The following PLPPR1 variants were observed in gnomAD, a reference collection of about 807,000 sequenced individuals.
PLPPR1 encodes the protein phospholipid phosphatase related 1.
Under a neutral mutation model 33.1 loss-of-function variants are expected in PLPPR1, and 10 were observed. The ratio of observed to expected loss-of-function variants is 0.30; its 90% confidence interval spans 0.19 to 0.51. The LOEUF (loss-of-function observed/expected upper bound fraction) is 0.51. Ranked by LOEUF, PLPPR1 falls within the 20% of genes least tolerant of loss-of-function variation. The pLI is 0.97. For missense variants in PLPPR1, 304 were observed against 408.1 expected, an observed-to-expected ratio of 0.74 and a Z score of 2.20; for synonymous variants, 151 against 151.0, an observed-to-expected ratio of 1.00 and a Z score of 0.00.
intron 2 of PLPPR1, among the ~76,000 whole-genome samples, chr9:101,248,119 C>T (rs1032572762): frequency 3.3e-5 from 5 of 151,984 alleles, no homozygotes; most frequent in Admixed American, 6.6e-5. Flanking sequence ...TGACTACTCA[C>T]CCTAGTTATG....
At chr9:101,044,296 A>T (rs1034789550) in intron 1 of PLPPR1, among the ~76,000 whole-genome samples, 1 of 152,176 alleles carries the variant, frequency 6.6e-6, no homozygotes, top group Non-Finnish European at 1.5e-5. Context: ...GCTGACTCCT[A>T]CTGCTTGATC....
intron 1 of PLPPR1, among the ~76,000 whole-genome samples, chr9:101,097,539 CTGAG>C (rs1830834650): frequency 6.6e-6 from 1 of 152,190 alleles, no homozygotes; most frequent in South Asian, 2.1e-4. Context: ...TGTGGAATAT[CTGAG>C]TGAGTGCTAG....
intron 1 of PLPPR1, among the ~76,000 whole-genome samples, chr9:101,047,439 C>G (rs770200224): frequency 6.6e-6 from 1 of 152,130 alleles, no homozygotes; most frequent in Non-Finnish European, 1.5e-5. Context: ...TATATCTGAG[C>G]GCTGTGTGAA....
At chr9:101,216,252 T>G (rs1250928423) in intron 2 of PLPPR1, among the ~76,000 whole-genome samples, 4 of 152,248 alleles carry the variant, frequency 2.6e-5, no homozygotes. Context: ...ATTGGAGTTT[T>G]AATTTGCATT....
intron 3 of PLPPR1, among the ~76,000 whole-genome samples, chr9:101,283,803 A>T (rs142889835): frequency 6.8e-4 from 104 of 152,302 alleles, no homozygotes; most frequent in Non-Finnish European, 1.2e-3. Context: ...CAATAGCAAG[A>T]TAATAACCCA....
At chr9:101,142,140 A>G (rs1014548654) in intron 1 of PLPPR1, among the ~76,000 whole-genome samples, 2 of 152,224 alleles carry the variant, frequency 1.3e-5, no homozygotes, top group African/African-American at 4.8e-5. Context: ...ATTAGACTTT[A>G]TCTTACATGT....
chr9:101,292,315 T>C lies in PLPPR1; in HGVS notation c.385+6079T>C, dbSNP rs939133798. On this transcript the variant is annotated intron_variant, in intron 4 of 7. Transcript: ENST00000374874. The stretch of plus-strand genomic sequence containing the variant: ...GTGAAAAGACCAAATCTACCTCTGA[T>C]TGGTGTACCTGAAAGTGATGGGGAG... Among the ~76,000 whole-genome samples the C allele has an allele frequency of 2.6e-5, 4 of 152,298 alleles. No individual in the cohort carries two copies. The East Asian group carries it at 5.8e-4, about 22-fold the overall frequency.
chr9:101,313,903 T>C (rs1351877106), intron 6 of PLPPR1, among the ~76,000 whole-genome samples: 1 of 152,186 alleles, frequency 6.6e-6, no homozygotes, highest in African/African-American at 2.4e-5. Flanking sequence ...TCATATTAAT[T>C]GAATCATAAT....
chr9:101,319,080 G>T (rs981804838), intron 7 of PLPPR1, among the ~76,000 whole-genome samples: 1 of 139,518 alleles, frequency 7.2e-6, no homozygotes, highest in Non-Finnish European at 1.6e-5. Context: ...GTTCCCTTTG[G>T]AATTATTATG....
chr9:101,197,780 G>C (rs549435545), intron 2 of PLPPR1, among the ~76,000 whole-genome samples: 1 of 152,202 alleles, frequency 6.6e-6, no homozygotes, highest in Non-Finnish European at 1.5e-5. Flanking sequence ...TTATTGATGT[G>C]TGTAGTATGA....
At chr9:101,110,465 T>A (rs12339264) in intron 1 of PLPPR1, among the ~76,000 whole-genome samples, 3,545 of 152,242 alleles carry the variant, frequency 0.023, 79 homozygotes, top group African/African-American at 0.064. Context: ...TCTGAAACAT[T>A]TACACAAATT....
At position 101,112,424 on chromosome 9, in the gene PLPPR1, T is replaced by C. The variant is rs187621733; in HGVS notation, c.-45-73026T>C. ...TCATATTCTGAGAGGATACAATTTT[T>C]GATTTTAGGAGTTTGGCTATTGTTC... On this transcript the variant is annotated intron_variant, in intron 1 of 7. Transcript: ENST00000374874. Among the ~76,000 whole-genome samples the C allele has an allele frequency of 3.3e-5, 5 of 152,338 alleles. No individual in the cohort carries two copies. In the East Asian group the frequency reaches 9.6e-4, roughly 29 times the overall value.
intron 1 of PLPPR1, among the ~76,000 whole-genome samples, chr9:101,177,628 A>G (rs1267891518): frequency 6.6e-6 from 1 of 152,210 alleles, no homozygotes; most frequent in Non-Finnish European, 1.5e-5. Flanking sequence ...CTTTGATGCT[A>G]TCAGAGTTTT....
rs560340867 is a variant in PLPPR1, at chr9:101,185,286, A to G, written c.-45-164A>G. 12 of 445,728 alleles carry G rather than the reference A, an allele frequency of 2.7e-5. No individual in the cohort carries two copies. In the South Asian group the frequency reaches 6.5e-4, roughly 24 times the overall value. The allele number at this position is 445,728 out of a possible 1,614,324, so 27.6% of individuals were successfully genotyped here. A position where few individuals can be genotyped will look rare whatever the true frequency, so the allele number is the denominator to read the frequency against. Reference sequence around the variant, plus strand: ...TATATATTATTTGCTTTTTATTGGAATGATTATTAGTCTGACTTGACTGTG... The same window carrying G: ...TATATATTATTTGCTTTTTATTGGAGTGATTATTAGTCTGACTTGACTGTG... On this transcript the variant is annotated intron_variant, in intron 1 of 7. Coordinates refer to ENST00000374874, the MANE Select transcript of PLPPR1 (RefSeq NM_207299.2).
At chr9:101,218,646 T>C (rs1826855855) in intron 2 of PLPPR1, among the ~76,000 whole-genome samples, 1 of 152,220 alleles carries the variant, frequency 6.6e-6, no homozygotes, top group African/African-American at 2.4e-5. Flanking sequence ...ACTATTTTTA[T>C]TAGCAAAGCA....
chr9:101,123,085 T>C (rs1382538471), intron 1 of PLPPR1, among the ~76,000 whole-genome samples: 1 of 152,218 alleles, frequency 6.6e-6, no homozygotes, highest in Non-Finnish European at 1.5e-5. Flanking sequence ...TTGTTATAGA[T>C]GGTTCTCCCT....
At chr9:101,263,049 A>AT (rs1363221661) in intron 2 of PLPPR1, among the ~76,000 whole-genome samples, 2 of 152,168 alleles carry the variant, frequency 1.3e-5, no homozygotes, top group Non-Finnish European at 2.9e-5. Flanking sequence ...GAAATACCTA[A>AT]TGTACATGAC....
chr9:101,192,074 G>T (rs185435569), intron 2 of PLPPR1, among the ~76,000 whole-genome samples: 1 of 152,256 alleles, frequency 6.6e-6, no homozygotes, highest in Admixed American at 6.5e-5. Flanking sequence ...TTTCTCTGGG[G>T]CCAGAACTTA....
intron 1 of PLPPR1, among the ~76,000 whole-genome samples, chr9:101,127,830 C>G (rs551915120): frequency 6.6e-6 from 1 of 152,098 alleles, no homozygotes; most frequent in Non-Finnish European, 1.5e-5. Context: ...AAGCCTTGCC[C>G]CAGCTTCTCC....
Sources: allele counts gnomAD v4.1 joint callset (sites outside exome capture counted in the v4.1 genomes callset), GRCh38; gene constraint gnomAD v4.1.1; transcripts MANE v1.5; gene names NCBI Gene and HGNC (gene_info 2026-07-23, HGNC 2026-07-21).